LY96: variants seen among roughly 807,000 people sequenced by gnomAD.
LY96 encodes myeloid differentiation protein-2.
A neutral mutation model predicts 18.9 loss-of-function variants in LY96; 18 were observed. The ratio of observed to expected loss-of-function variants is 0.95; its 90% CI spans 0.66 to 1.41. The LOEUF (loss-of-function observed/expected upper bound fraction) is 1.41, where lower values mean the gene tolerates loss of function less well. Among genes scored for constraint, LY96 ranks in the 40% most tolerant of loss-of-function variants. The probability of loss-of-function intolerance (pLI) is 0.00; values close to 1 mark genes in which losing one functional copy is unlikely to be tolerated. For missense variants in LY96, 175 were observed against 182.4 expected, an observed-to-expected ratio of 0.96 and a Z score of 0.23; for synonymous variants, 66 against 62.6, an observed-to-expected ratio of 1.06 and a Z score of -0.26.
chr8:74,098,214 C>T, the LY96 span, among the ~76,000 whole-genome samples: 1 of 152,098 alleles, frequency 6.6e-6, no homozygotes, highest in Non-Finnish European at 1.5e-5. Flanking sequence ...TCAATTCACA[C>T]TTTACTGAGC....
At chr8:73,994,801 T>A (rs1245164846) in intron 1 of LY96, among the ~76,000 whole-genome samples, 1 of 152,198 alleles carries the variant, frequency 6.6e-6, no homozygotes, top group Non-Finnish European at 1.5e-5. Flanking sequence ...GTGTCTTAAT[T>A]AGTTCAGGTG....
chr8:74,076,964 C>A, the LY96 span, among the ~76,000 whole-genome samples: 1 of 152,274 alleles, frequency 6.6e-6, no homozygotes, highest in South Asian at 2.1e-4. Context: ...GAATGACCAG[C>A]TTTAAATTGG....
downstream of LY96, chr8:74,029,104 A>T (rs1295954478): frequency 9.4e-7 from 1 of 1,069,232 alleles, no homozygotes; most frequent in Non-Finnish European, 1.4e-6. Flanking sequence ...TCCTGTTTTA[A>T]GGGTACCCAG....
the LY96 span, among the ~76,000 whole-genome samples, chr8:74,039,379 T>C: frequency 2.6e-5 from 4 of 152,164 alleles, no homozygotes; most frequent in African/African-American, 9.7e-5. Flanking sequence ...TGATCCTATG[T>C]AGGGTTCAGC....
At chr8:74,017,639 G>C (rs1192881272) in intron 3 of LY96, among the ~76,000 whole-genome samples, 3 of 152,126 alleles carry the variant, frequency 2.0e-5, no homozygotes, top group Admixed American at 2.0e-4. Context: ...AAATGTTAAG[G>C]GCAGCCAGAG....
chr8:74,098,489 C>T, the LY96 span, among the ~76,000 whole-genome samples: 181 of 152,262 alleles, frequency 1.2e-3, no homozygotes, highest in Non-Finnish European at 2.1e-3. Flanking sequence ...GATTCTCATG[C>T]GCCAGCCTCC....
At chr8:74,086,606 T>G in the LY96 span, among the ~76,000 whole-genome samples, 2 of 152,222 alleles carry the variant, frequency 1.3e-5, no homozygotes, top group African/African-American at 4.8e-5. Flanking sequence ...TAGGATGAGG[T>G]CCAAGATAAT....
At chr8:74,034,465 A>T in the LY96 span, among the ~76,000 whole-genome samples, 5 of 152,168 alleles carry the variant, frequency 3.3e-5, no homozygotes, top group Admixed American at 2.0e-4. Flanking sequence ...TTCAGCCCCA[A>T]CTTTTGTTTT....
At chr8:74,092,222 G>A in the LY96 span, among the ~76,000 whole-genome samples, 1 of 152,142 alleles carries the variant, frequency 6.6e-6, no homozygotes, top group Non-Finnish European at 1.5e-5. Context: ...GAAGATGGTG[G>A]GGGAAGCACC....
At chr8:73,996,287 G>T (rs1410980936) in intron 1 of LY96, among the ~76,000 whole-genome samples, 1 of 152,020 alleles carries the variant, frequency 6.6e-6, no homozygotes, top group African/African-American at 2.4e-5. Context: ...ACATGCATGA[G>T]CCACCACGCT....
Position 74,026,792 on chromosome 8 carries a change from C to T in LY96, c.335C>T (p.Thr112Ile). The T allele has an allele frequency of 6.5e-7, 1 of 1,530,022 alleles. No homozygotes were observed. The highest frequency in any genetic ancestry group is 9.1e-7 in the Non-Finnish European group (1 of 1,104,278). 94.8% of individuals were successfully genotyped at this position (1,530,022 alleles called of 1,614,324 possible). The change falls in exon 4 of 5, where the codon ACT becomes ATT. Residue 112 changes from threonine to isoleucine, a missense_variant. By Grantham distance (89) the Thr-to-Ile change is moderately conservative (BLOSUM62 -1). Coordinates refer to ENST00000284818, the MANE Select transcript of LY96 (RefSeq NM_015364.5). Reference sequence around the variant, plus strand: ...GTATTTTATATTTTGTTTGCAGAGACTGTGAATACAACAATATCATTCTCC... The same window carrying T: ...GTATTTTATATTTTGTTTGCAGAGATTGTGAATACAACAATATCATTCTCC... ...YSFCRALKGETVNTTISFSFK... is the reference protein window; with the variant it reads ...YSFCRALKGEIVNTTISFSFK...
intron 3 of LY96, among the ~76,000 whole-genome samples, chr8:74,022,037 T>A (rs187263445): frequency 6.6e-6 from 1 of 152,124 alleles, no homozygotes; most frequent in East Asian, 1.9e-4. Flanking sequence ...AATCTGCACA[T>A]TGTGCACATG....
At chr8:74,092,344 AG>A in the LY96 span, among the ~76,000 whole-genome samples, 1 of 152,206 alleles carries the variant, frequency 6.6e-6, no homozygotes, top group African/African-American at 2.4e-5. Context: ...AGGGAAAATG[AG>A]TACATGGCTT....
At chr8:74,028,831 T>C (rs1038669218) in intron 4 of LY96, 125 bp from the exon 5 acceptor site, 6 of 580,152 alleles carry the variant, frequency 1.0e-5, no homozygotes, top group Non-Finnish European at 3.0e-6. Flanking sequence ...TTCGTCTCAT[T>C]GGAAAACTAT....
chr8:74,097,268 A>G, the LY96 span, among the ~76,000 whole-genome samples: 2 of 152,204 alleles, frequency 1.3e-5, no homozygotes, highest in South Asian at 4.1e-4. Flanking sequence ...CTGGGTACAA[A>G]TCCTGACTCT....
At chr8:74,073,158 A>G in the LY96 span, among the ~76,000 whole-genome samples, 1 of 152,162 alleles carries the variant, frequency 6.6e-6, no homozygotes, top group Non-Finnish European at 1.5e-5. Flanking sequence ...TCTGACCTTG[A>G]TAGTGTGGCC....
intron 3 of LY96, among the ~76,000 whole-genome samples, chr8:74,019,734 G>A (rs577036054): frequency 6.6e-5 from 10 of 152,244 alleles, no homozygotes; most frequent in Admixed American, 5.9e-4. Context: ...GATCAAGTTG[G>A]CTTCATCCTT....
chr8:74,046,049 C>T, the LY96 span, among the ~76,000 whole-genome samples: 18 of 152,198 alleles, frequency 1.2e-4, no homozygotes, highest in African/African-American at 2.9e-4. Flanking sequence ...GAGGTCAAGG[C>T]GGGTGGATCA....
chr8:74,057,270 C>T, the LY96 span, among the ~76,000 whole-genome samples: 1 of 152,108 alleles, frequency 6.6e-6, no homozygotes, highest in Non-Finnish European at 1.5e-5. Flanking sequence ...GGAAGTGCTC[C>T]TACCTTTGAT....
Sources: gnomAD v4.1 joint callset for allele counts (sites outside exome capture counted in the v4.1 genomes callset) on GRCh38, gnomAD v4.1.1 for gene constraint, MANE v1.5 for transcripts, NCBI Gene and HGNC (gene_info 2026-07-23, HGNC 2026-07-21) for gene names.